PTPRD: variants seen among roughly 807,000 people sequenced by gnomAD.
PTPRD encodes the protein receptor-type tyrosine-protein phosphatase delta.
In PTPRD, 34 loss-of-function variants were observed where a neutral mutation model predicts 214.5. That is an observed-to-expected ratio of 0.16 (90% CI 0.12 to 0.21). PTPRD has a LOEUF of 0.21. Among genes scored for constraint, PTPRD ranks in the 10% least tolerant of loss-of-function variants. PTPRD has a pLI of 1.00. For synonymous variants in PTPRD, 1,128 were observed against 845.7 expected (o/e 1.33, Z -5.79); for missense variants, 2,545 against 2,398.7 (o/e 1.06, Z -1.27).
chr9:10,441,424 T>C (rs994964055), intron 2 of PTPRD, among the ~76,000 whole-genome samples: 1 of 151,754 alleles, frequency 6.6e-6, no homozygotes, highest in Non-Finnish European at 1.5e-5. Flanking sequence ...GCTTTACTTT[T>C]CAAATCAGAT....
intron 35 of PTPRD, among the ~76,000 whole-genome samples, chr9:8,423,931 A>G (rs2094509449): frequency 6.6e-6 from 1 of 152,190 alleles, no homozygotes; most frequent in Non-Finnish European, 1.5e-5. Flanking sequence ...AGCCCAACTA[A>G]TCAAATATAT....
intron 8 of PTPRD, among the ~76,000 whole-genome samples, chr9:9,402,301 T>G (rs898142064): frequency 1.3e-5 from 2 of 152,102 alleles, no homozygotes; most frequent in Non-Finnish European, 2.9e-5. Context: ...CCTGCAACAT[T>G]TGTCAATCTT....
intron 8 of PTPRD, among the ~76,000 whole-genome samples, chr9:9,483,530 A>G (rs1299731581): frequency 6.6e-6 from 1 of 152,296 alleles, no homozygotes; most frequent in Admixed American, 6.5e-5. Flanking sequence ...TAAGCTTACT[A>G]GAGTCTAAAG....
chr9:10,540,333 G>A (rs1489187628), intron 2 of PTPRD, among the ~76,000 whole-genome samples: 2 of 152,118 alleles, frequency 1.3e-5, no homozygotes, highest in Non-Finnish European at 2.9e-5. Flanking sequence ...CGGGCATATT[G>A]TTCTTTTAAA....
At chr9:9,068,154 C>G (rs1267320188) in intron 10 of PTPRD, among the ~76,000 whole-genome samples, 7 of 152,042 alleles carry the variant, frequency 4.6e-5, no homozygotes, top group Non-Finnish European at 8.8e-5. Context: ...GAGATTCATC[C>G]AAATTGTTGA....
At chr9:10,479,748 G>A (rs962661645) in intron 2 of PTPRD, among the ~76,000 whole-genome samples, 2 of 151,982 alleles carry the variant, frequency 1.3e-5, no homozygotes, top group African/African-American at 4.8e-5. Flanking sequence ...CTTGAGCCCA[G>A]GGTTCCAGGC....
chr9:10,354,887 G>A (rs916260498), intron 2 of PTPRD, among the ~76,000 whole-genome samples: 8 of 152,108 alleles, frequency 5.3e-5, no homozygotes, highest in Admixed American at 3.9e-4. Flanking sequence ...TTTTGCATGT[G>A]CTCATGGTAC....
At chr9:10,090,883 C>A (rs1056669000) in intron 3 of PTPRD, among the ~76,000 whole-genome samples, 1 of 139,140 alleles carries the variant, frequency 7.2e-6, no homozygotes, top group South Asian at 2.4e-4. Flanking sequence ...TTACAAAAAT[C>A]TACACCAAAG....
At chr9:10,100,801 C>A (rs981051393) in intron 3 of PTPRD, among the ~76,000 whole-genome samples, 1 of 151,452 alleles carries the variant, frequency 6.6e-6, no homozygotes, top group Non-Finnish European at 1.5e-5. Context: ...AAGCTGGGGA[C>A]GATCCTCCTT....
At chr9:8,446,522 T>C (rs895082221) in intron 34 of PTPRD, among the ~76,000 whole-genome samples, 3 of 152,218 alleles carry the variant, frequency 2.0e-5, no homozygotes, top group Non-Finnish European at 4.4e-5. Flanking sequence ...CAATTTGCCT[T>C]TGGGAACAAA....
At chr9:10,576,284 T>G (rs1443543293) in intron 2 of PTPRD, among the ~76,000 whole-genome samples, 1 of 152,132 alleles carries the variant, frequency 6.6e-6, no homozygotes, top group East Asian at 1.9e-4. Context: ...TGCAAATGAT[T>G]TACCAATGAT....
intron 10 of PTPRD, among the ~76,000 whole-genome samples, chr9:9,026,453 G>A (rs1448032463): frequency 2.0e-5 from 3 of 151,958 alleles, no homozygotes; most frequent in African/African-American, 4.8e-5. Flanking sequence ...TAAAGATCAA[G>A]CCTATTATCT....
At chr9:10,470,834 A>T (rs930999032) in intron 2 of PTPRD, among the ~76,000 whole-genome samples, 1 of 152,174 alleles carries the variant, frequency 6.6e-6, no homozygotes, top group African/African-American at 2.4e-5. Flanking sequence ...ATCAGAAGAA[A>T]GATATGAAAT....
intron 2 of PTPRD, among the ~76,000 whole-genome samples, chr9:10,555,033 T>A (rs1209566513): frequency 1.3e-5 from 2 of 152,184 alleles, no homozygotes; most frequent in African/African-American, 4.8e-5. Context: ...TTGCCACCCA[T>A]TTCCATTGCT....
At chr9:10,291,001 C>A (rs1202098518) in intron 3 of PTPRD, among the ~76,000 whole-genome samples, 1 of 145,864 alleles carries the variant, frequency 6.9e-6, no homozygotes, top group Middle Eastern at 3.4e-3. Context: ...TTTTTAAAAA[C>A]AAATTCCATT....
Position 9,917,635 on chromosome 9 carries a change from T to G in PTPRD, c.-368+20872A>C, listed in dbSNP as rs527346395. 1.1e-4 allele frequency among the ~76,000 whole-genome samples: 17 copies of G among 151,850 alleles called. No individual in the cohort carries two copies. The East Asian group carries it at 3.3e-3, about 29-fold the overall frequency. Reference sequence around the variant, plus strand: ...TGAAAAGCAGACAAGGATATAAAAATAGCTAAACAGAAAACTGCAAGCCAA... The same window carrying G: ...TGAAAAGCAGACAAGGATATAAAAAGAGCTAAACAGAAAACTGCAAGCCAA... On this transcript the variant is annotated intron_variant, in intron 5 of 45. Transcript: ENST00000381196.
intron 6 of PTPRD, among the ~76,000 whole-genome samples, chr9:9,762,509 C>G (rs1048651155): frequency 2.6e-5 from 4 of 152,182 alleles, no homozygotes; most frequent in Admixed American, 2.6e-4. Context: ...CCATAGCAAT[C>G]AAGAGGGACT....
chr9:10,596,872 C>G (rs1334434551), intron 2 of PTPRD, among the ~76,000 whole-genome samples: 1 of 151,398 alleles, frequency 6.6e-6, no homozygotes, highest in Non-Finnish European at 1.5e-5. Context: ...GAAAAACGTG[C>G]AATACATGAG....
At chr9:10,162,855 T>C (rs907363158) in intron 3 of PTPRD, among the ~76,000 whole-genome samples, 1 of 150,246 alleles carries the variant, frequency 6.7e-6, no homozygotes, top group Non-Finnish European at 1.5e-5. Context: ...TGGTTTTTGA[T>C]TTTGTCACAT....
Sources: gnomAD v4.1 joint callset for allele counts (sites outside exome capture counted in the v4.1 genomes callset) on GRCh38, gnomAD v4.1.1 for gene constraint, MANE v1.5 for transcripts, NCBI Gene and HGNC (gene_info 2026-07-23, HGNC 2026-07-21) for gene names.